The following ZC2HC1B variants were observed in gnomAD, a reference collection of about 807,000 sequenced individuals.
ZC2HC1B encodes zinc finger C2HC-type containing 1B.
In ZC2HC1B, 36 loss-of-function variants were observed where a neutral mutation model predicts 31.0. The observed-to-expected ratio is 1.16, with a 90% confidence interval of 0.89 to 1.54. The LOEUF (loss-of-function observed/expected upper bound fraction) is 1.54, where lower values mean the gene tolerates loss of function less well. Ranked by LOEUF, ZC2HC1B falls within the 40% of genes most tolerant of loss-of-function variation. ZC2HC1B has a pLI of 0.00. For missense variants in ZC2HC1B, 260 were observed against 268.6 expected (o/e 0.97, Z 0.22); for synonymous variants, 73 against 88.0 (o/e 0.83, Z 0.95).
chr6:143,902,909 C>A, intron 5 of ZC2HC1B, 135 bp from the exon 6 acceptor site: 1 of 728,586 alleles, frequency 1.4e-6, no homozygotes, highest in South Asian at 1.8e-5. Flanking sequence ...CTGTCCCCTT[C>A]CCCTGGATTC....
At chr6:143,927,007 C>A (rs2328533) in intron 6 of ZC2HC1B, among the ~76,000 whole-genome samples, 56,703 of 125,262 alleles carry the variant, frequency 0.45, 12,641 homozygotes, top group African/African-American at 0.62. Context: ...ACCTTGTTAG[C>A]CAGGATGGTC....
chr6:143,911,971 T>C lies in ZC2HC1B; in HGVS notation c.598+8819T>C, dbSNP rs1193240798. The stretch of plus-strand genomic sequence containing the variant: ...CAGAGGTTTTGTTCTTTTTTTTCAT[T>C]CTTTTTTCTCTATTTTTGTCAGCCT... On this transcript the variant is annotated intron_variant, in intron 6 of 7. Transcript: ENST00000237275. The surrounding 1 kb of genome is among the most constrained non-coding windows in gnomAD (Gnocchi z 4.5). Among the ~76,000 whole-genome samples, 1 of 152,152 alleles carries C rather than the reference T, an allele frequency of 6.6e-6. No individual in the cohort carries two copies. The highest frequency in any genetic ancestry group is 1.5e-5 in the Non-Finnish European group (1 of 68,032).
In ZC2HC1B at chr6:143,923,084, G is replaced by A. The variant is rs996133116; in HGVS notation, c.599-14565G>A. 2.0e-5 allele frequency among the ~76,000 whole-genome samples: 3 copies of A among 151,880 alleles called. No homozygotes were observed. Among genetic ancestry groups the A allele is most frequent in the African/African-American group, 7.3e-5 (3 of 41,376 alleles). On this transcript the variant is annotated intron_variant, in intron 6 of 7. Transcript: ENST00000237275. This position sits in a 1 kb window ranked among gnomAD's most constrained non-coding sequence, Gnocchi z 4.8. ...GTAAGATTTTGTCTCATTGCGTCTT[G>A]GATTGGCATTTCCCTGATAATTAAT... is the stretch of plus-strand genomic sequence containing the variant.
intron 1 of ZC2HC1B, among the ~76,000 whole-genome samples, chr6:143,867,488 G>A (rs1367706871): frequency 2.0e-5 from 3 of 152,126 alleles, no homozygotes; most frequent in African/African-American, 4.8e-5. Flanking sequence ...CACAGTTTAG[G>A]CATCCAGGAT....
At position 143,871,686 on chromosome 6, in the gene ZC2HC1B, G is replaced by A. The variant is rs554851805; in HGVS notation, c.28+7119G>A. Among the ~76,000 whole-genome samples the A allele has an allele frequency of 3.3e-5, 5 of 152,312 alleles. No individual in the cohort carries two copies. Among genetic ancestry groups the A allele is most frequent in the East Asian group, 1.9e-4 (1 of 5,188 alleles). On this transcript the variant is annotated intron_variant, in intron 1 of 7. Transcript: ENST00000237275. The surrounding 1 kb of genome is among the most constrained non-coding windows in gnomAD (Gnocchi z 4.1). Reference sequence around the variant, plus strand: ...CAAGTCCTTGATGGTGGTACTAATCGCCACAGTCTCTGCAGGGATGTGATA... The same window carrying A: ...CAAGTCCTTGATGGTGGTACTAATCACCACAGTCTCTGCAGGGATGTGATA...
rs1297279547 is a variant in ZC2HC1B at position 143,865,458 on chromosome 6, C to T, written c.28+891C>T. Among the ~76,000 whole-genome samples, 1 of 152,164 alleles carries T rather than the reference C, an allele frequency of 6.6e-6. No individual in the cohort carries two copies. Among genetic ancestry groups the T allele is most frequent in the Non-Finnish European group, 1.5e-5 (1 of 68,032 alleles). ...CTGTAACCTTCACTATAGGCTATTC[C>T]CTGAGCTTGTATTTAAAAATCCTGC... is the stretch of plus-strand genomic sequence containing the variant. On this transcript the variant is annotated intron_variant, in intron 1 of 7. Coordinates refer to ENST00000237275, the MANE Select transcript of ZC2HC1B (RefSeq NM_001013623.3). This position sits in a 1 kb window ranked among gnomAD's most constrained non-coding sequence, Gnocchi z 4.4.
intron 6 of ZC2HC1B, among the ~76,000 whole-genome samples, chr6:143,919,024 G>A (rs1488910304): frequency 1.3e-5 from 2 of 151,830 alleles, no homozygotes; most frequent in Non-Finnish European, 2.9e-5. Flanking sequence ...TTGTCTAATA[G>A]ATCTGTTTAG....
At chr6:143,866,878 A>C (rs1777270075) in intron 1 of ZC2HC1B, among the ~76,000 whole-genome samples, 1 of 152,110 alleles carries the variant, frequency 6.6e-6, no homozygotes, top group Admixed American at 6.5e-5. Flanking sequence ...GTCCCCTGTG[A>C]ATCCATCCTT....
intron 6 of ZC2HC1B, among the ~76,000 whole-genome samples, chr6:143,935,144 G>GGGCAGGGTA (rs1778161694): frequency 6.6e-6 from 1 of 150,710 alleles, no homozygotes; most frequent in African/African-American, 2.4e-5. Flanking sequence ...TGGTGGTGGT[G>GGGCAGGGTA]GGTCAATCTC....
At chr6:143,935,646 CTTTTTTTTTTTTTTT>C (rs759896830) in intron 6 of ZC2HC1B, among the ~76,000 whole-genome samples, 1 of 55,856 alleles carries the variant, frequency 1.8e-5, no homozygotes, top group East Asian at 4.8e-4. Context: ...TGGTATCACT[CTTTTTTTTTTTTTTT>C]TTTTTTTTTT....
chr6:143,873,711 T>C (rs760493048), intron 1 of ZC2HC1B, among the ~76,000 whole-genome samples: 5 of 152,220 alleles, frequency 3.3e-5, no homozygotes, highest in Non-Finnish European at 5.9e-5. Flanking sequence ...GAGCTGTACA[T>C]TGGCCCCAAT....
chr6:143,931,587 G>T (rs1778119258), intron 6 of ZC2HC1B, among the ~76,000 whole-genome samples: 1 of 152,152 alleles, frequency 6.6e-6, no homozygotes. Flanking sequence ...CATTTATGAT[G>T]CTTAGTTTTG....
Position 143,884,492 on chromosome 6 carries a change from A to G in ZC2HC1B, c.90+127A>G. The G allele has an allele frequency of 1.2e-6, 1 of 843,186 alleles. No individual in the cohort carries two copies. The highest frequency in any genetic ancestry group is 1.8e-6 in the Non-Finnish European group (1 of 562,484). The allele number at this position is 843,186 out of a possible 1,614,324, so 52.2% of individuals were successfully genotyped here. ...GGAAGCAAGGGAAGAGGAAAAGTAC[A>G]TAACCTATGGCTGGTGGGCCCAGAG... On this transcript the variant is annotated intron_variant, in intron 2 of 7. Transcript: ENST00000237275. This position sits in a 1 kb window ranked among gnomAD's most constrained non-coding sequence, Gnocchi z 5.1.
intron 1 of ZC2HC1B, among the ~76,000 whole-genome samples, chr6:143,867,397 T>G (rs1009660282): frequency 2.3e-4 from 35 of 152,242 alleles, no homozygotes; most frequent in African/African-American, 8.4e-4. Context: ...TCCCTGGGTC[T>G]GACTTCCATT....
At position 143,938,174 on chromosome 6, in the gene ZC2HC1B, T is replaced by C. The variant is rs1186945234; in HGVS notation, c.*47T>C. ...CCCTGAAACCCATCAGCCTGGATGGTTGCGTACCCGAGAATGCCACCTAAG... is the reference window on the plus strand; with the variant it reads ...CCCTGAAACCCATCAGCCTGGATGGCTGCGTACCCGAGAATGCCACCTAAG... On this transcript the variant is annotated 3_prime_UTR_variant, in exon 8 of 8. Transcript: ENST00000237275. The surrounding 1 kb of genome is among the most constrained non-coding windows in gnomAD (Gnocchi z 4.2). The C allele has an allele frequency of 6.5e-6, 1 of 152,678 alleles. No individual in the cohort carries two copies. Among genetic ancestry groups the C allele is most frequent in the Non-Finnish European group, 1.5e-5 (1 of 68,364 alleles). 9.5% of individuals were successfully genotyped at this position (152,678 alleles called of 1,614,324 possible). A position where few individuals can be genotyped will look rare whatever the true frequency, so the allele number is the denominator to read the frequency against.
rs967831115 is a variant in ZC2HC1B at position 143,923,030 on chromosome 6, C to T, written c.599-14619C>T. Among the ~76,000 whole-genome samples, 3 of 152,074 alleles carry T rather than the reference C, an allele frequency of 2.0e-5. No homozygotes were observed. Among genetic ancestry groups the T allele is most frequent in the Non-Finnish European group, 4.4e-5 (3 of 67,972 alleles). On this transcript the variant is annotated intron_variant, in intron 6 of 7. Transcript: ENST00000237275. This position sits in a 1 kb window ranked among gnomAD's most constrained non-coding sequence, Gnocchi z 4.8. ...CCTCACAAGCATCTGTTATTTCTTG[C>T]CTTTTTGATAAGAGCCATTCTAACA...
At position 143,886,322 on chromosome 6, in the gene ZC2HC1B, T is replaced by G. The variant is rs1777530122; in HGVS notation, c.210+171T>G. Among the ~76,000 whole-genome samples, 1 of 152,238 alleles carries G rather than the reference T, an allele frequency of 6.6e-6. No homozygotes were observed. Among genetic ancestry groups the G allele is most frequent in the African/African-American group, 2.4e-5 (1 of 41,470 alleles). Reference sequence around the variant, plus strand: ...TGCTCACTTAGATTTCCAGATATACTTCAGATATTTTCCAGATGTAGCAAA... The same window carrying G: ...TGCTCACTTAGATTTCCAGATATACGTCAGATATTTTCCAGATGTAGCAAA... On this transcript the variant is annotated intron_variant, in intron 3 of 7. Coordinates refer to ENST00000237275, the MANE Select transcript of ZC2HC1B (RefSeq NM_001013623.3). This position sits in a 1 kb window ranked among gnomAD's most constrained non-coding sequence, Gnocchi z 4.2.
chr6:143,877,058 T>C (rs919286785), intron 1 of ZC2HC1B, among the ~76,000 whole-genome samples: 1 of 150,290 alleles, frequency 6.7e-6, no homozygotes, highest in Non-Finnish European at 1.5e-5. Context: ...CCTTCTTTTT[T>C]GGAAATAATT....
At position 143,908,987 on chromosome 6, in the gene ZC2HC1B, G is replaced by A. The variant is rs1364583895; in HGVS notation, c.598+5835G>A. ...GTTTATTGAGCGTTTTTAACATAAA[G>A]GGATGTTGAAATTTATTGAAGGTCC... is the stretch of plus-strand genomic sequence containing the variant. On this transcript the variant is annotated intron_variant, in intron 6 of 7. Coordinates refer to ENST00000237275, the MANE Select transcript of ZC2HC1B (RefSeq NM_001013623.3). The surrounding 1 kb of genome is among the most constrained non-coding windows in gnomAD (Gnocchi z 4.4). Among the ~76,000 whole-genome samples, 2 of 152,136 alleles carry A rather than the reference G, an allele frequency of 1.3e-5. No homozygotes were observed. Among genetic ancestry groups the A allele is most frequent in the Non-Finnish European group, 2.9e-5 (2 of 68,016 alleles).
Sources: allele counts gnomAD v4.1 joint callset (sites outside exome capture counted in the v4.1 genomes callset), GRCh38; gene constraint gnomAD v4.1.1; non-coding constraint Gnocchi (gnomAD v3.1); transcripts MANE v1.5; gene names NCBI Gene and HGNC (gene_info 2026-07-23, HGNC 2026-07-21).